CHD9: variants seen among roughly 807,000 people sequenced by gnomAD.
The protein encoded by CHD9 is chromodomain helicase DNA binding protein 9, also known as ATP-dependent chromatin remodeler CHD9.
In CHD9, 77 loss-of-function variants were observed where a neutral mutation model predicts 316.1. The ratio of observed to expected loss-of-function variants is 0.24; its 90% confidence interval spans 0.20 to 0.29. CHD9 has a LOEUF of 0.29. Among genes scored for constraint, CHD9 ranks in the 10% least tolerant of loss-of-function variants. CHD9 has a pLI of 1.00. For synonymous variants in CHD9, 1,129 were observed against 1,158.3 expected (o/e 0.97, Z 0.51); for missense variants, 2,763 against 3,438.1 (o/e 0.80, Z 4.91).
intron 1 of CHD9, among the ~76,000 whole-genome samples, chr16:53,074,000 A>G (rs1798356398): frequency 6.6e-6 from 1 of 152,218 alleles, no homozygotes; most frequent in South Asian, 2.1e-4. Flanking sequence ...AAAATGTGGG[A>G]AAGTTTGGAA....
chr16:53,297,121 C>T lies in CHD9; in HGVS notation c.5676C>T (p.Ser1892=). ...SLEKYLYAFM[S]MCRRVCRLPS... ...AAAAATATTTGTACGCATTCATGTC[C>T]ATGTGTCGGAGGGTTTGTCGTCTTC... Residue 1892 remains serine, a synonymous_variant, in exon 30 of 39, where the codon TCC becomes TCT. Coordinates refer to ENST00000447540, the MANE Select transcript of CHD9 (RefSeq NM_001308319.2). 6.2e-7 allele frequency: 1 copy of T among 1,613,762 alleles called. No individual in the cohort carries two copies. Among genetic ancestry groups the T allele is most frequent in the Non-Finnish European group, 8.5e-7 (1 of 1,179,778 alleles).
At chr16:53,288,476 G>C in intron 27 of CHD9, among the ~76,000 whole-genome samples, 1 of 152,240 alleles carries the variant, frequency 6.6e-6, no homozygotes, top group East Asian at 1.9e-4. Flanking sequence ...AGAGTTGGAT[G>C]AAAGTACAGA....
intron 1 of CHD9, among the ~76,000 whole-genome samples, chr16:53,063,278 A>T (rs988337085): frequency 1.6e-4 from 24 of 151,424 alleles, no homozygotes; most frequent in African/African-American, 5.8e-4. Context: ...CTAGGAAGTG[A>T]TGAGCTGGAA....
At chr16:53,262,225 A>G (rs1302033642) in intron 19 of CHD9, among the ~76,000 whole-genome samples, 5 of 152,168 alleles carry the variant, frequency 3.3e-5, no homozygotes, top group Non-Finnish European at 5.9e-5. Context: ...TCATTTTTAT[A>G]AAGCATTTTG....
chr16:53,304,252 T>C lies in CHD9; in HGVS notation c.6246T>C (p.Asn2082=). The C allele has an allele frequency of 1.2e-6, 2 of 1,611,490 alleles. No homozygotes were observed. The highest frequency in any genetic ancestry group is 1.7e-6 in the Non-Finnish European group (2 of 1,179,134). ...LIKSEPVSPK[N]GVLPQATGDQ... The stretch of plus-strand genomic sequence containing the variant: ...AATCTGAGCCTGTAAGTCCAAAGAA[T>C]GGTGTTTTACCACAGGCTACTGGAG... The change falls in exon 31 of 39, where the codon AAT becomes AAC. Residue 2082 remains asparagine (N), a synonymous_variant. Transcript: ENST00000447540.
chr16:53,262,591 A>T (rs149173914), intron 19 of CHD9, among the ~76,000 whole-genome samples: 1 of 152,296 alleles, frequency 6.6e-6, no homozygotes, highest in Admixed American at 6.5e-5. Flanking sequence ...GATGAAAATA[A>T]ACTAGAAATA....
chr16:53,110,192 T>A (rs1293744366), intron 1 of CHD9, among the ~76,000 whole-genome samples: 2 of 152,190 alleles, frequency 1.3e-5, no homozygotes, highest in Non-Finnish European at 2.9e-5. Context: ...TTAAAGCTTA[T>A]GTCTATAGAA....
intron 2 of CHD9, among the ~76,000 whole-genome samples, chr16:53,165,821 G>A (rs2042235616): frequency 1.3e-5 from 2 of 151,956 alleles, no homozygotes; most frequent in African/African-American, 4.8e-5. Context: ...AGCATCAGAT[G>A]TACGCACAAT....
intron 27 of CHD9, among the ~76,000 whole-genome samples, chr16:53,290,264 G>A (rs751959488): frequency 6.6e-6 from 1 of 152,134 alleles, no homozygotes; most frequent in East Asian, 1.9e-4. Context: ...AGGGAGACCT[G>A]TCTCAAAAAA....
At chr16:53,264,307 C>G (rs2051438559) in intron 20 of CHD9, among the ~76,000 whole-genome samples, 1 of 151,990 alleles carries the variant, frequency 6.6e-6, no homozygotes, top group Non-Finnish European at 1.5e-5. Context: ...AATAAGCATA[C>G]ATGTACAATG....
intron 1 of CHD9, among the ~76,000 whole-genome samples, chr16:53,129,833 A>G (rs1055108934): frequency 6.6e-6 from 1 of 152,236 alleles, no homozygotes; most frequent in African/African-American, 2.4e-5. Context: ...GGAGACCCTT[A>G]GAATTTTAGA....
intron 1 of CHD9, among the ~76,000 whole-genome samples, chr16:53,070,326 G>A (rs975271021): frequency 6.6e-6 from 1 of 152,014 alleles, no homozygotes; most frequent in African/African-American, 2.4e-5. Context: ...CCAAATCAAT[G>A]TCATAAAGTT....
chr16:53,284,765 G>C (rs2053715576), intron 24 of CHD9, among the ~76,000 whole-genome samples: 1 of 152,062 alleles, frequency 6.6e-6, no homozygotes, highest in African/African-American at 2.4e-5. Flanking sequence ...AACAGCATTT[G>C]AGTGTTTTTT....
intron 34 of CHD9, 40 bp from the exon 35 acceptor site, chr16:53,314,337 C>T: frequency 6.9e-7 from 1 of 1,458,492 alleles, no homozygotes; most frequent in South Asian, 1.3e-5. Flanking sequence ...TGTTTAAGAA[C>T]TAAATTTGTA....
chr16:53,221,571 T>C (rs1337309088), intron 3 of CHD9, among the ~76,000 whole-genome samples: 1 of 152,188 alleles, frequency 6.6e-6, no homozygotes, highest in African/African-American at 2.4e-5. Context: ...GTGAGAGTTA[T>C]GTTTTTATAC....
intron 4 of CHD9, among the ~76,000 whole-genome samples, chr16:53,223,710 C>T (rs760440457): frequency 2.6e-5 from 4 of 152,136 alleles, no homozygotes; most frequent in Non-Finnish European, 5.9e-5. Flanking sequence ...AACATTTCTT[C>T]CATGTTTTTC....
chr16:53,174,751 G>T (rs893196243), intron 2 of CHD9, among the ~76,000 whole-genome samples: 7 of 152,060 alleles, frequency 4.6e-5, no homozygotes, highest in African/African-American at 1.7e-4. Flanking sequence ...TGGGACCACA[G>T]GCACGTGCCA....
At chr16:53,292,460 ATAAACT>A (rs1195757160) in intron 28 of CHD9, among the ~76,000 whole-genome samples, 2 of 152,204 alleles carry the variant, frequency 1.3e-5, no homozygotes, top group East Asian at 1.9e-4. Context: ...TTAAACTGAG[ATAAACT>A]TAATACAGAA....
chr16:53,278,708 A>G (rs1010679486), intron 24 of CHD9, among the ~76,000 whole-genome samples: 3 of 152,252 alleles, frequency 2.0e-5, no homozygotes, highest in African/African-American at 7.2e-5. Context: ...GGATATGAAC[A>G]GACACTTCTC....
Sources: gnomAD v4.1 joint callset for allele counts (sites outside exome capture counted in the v4.1 genomes callset) on GRCh38, gnomAD v4.1.1 for gene constraint, MANE v1.5 for transcripts, NCBI Gene and HGNC (gene_info 2026-07-23, HGNC 2026-07-21) for gene names.